The following SLC4A4 variants were observed in gnomAD, a reference collection of about 807,000 sequenced individuals.
SLC4A4 encodes the protein solute carrier family 4 member 4.
In SLC4A4, 27 loss-of-function variants were observed where a neutral mutation model predicts 111.5. The observed-to-expected ratio is 0.24, with a 90% CI of 0.18 to 0.33. The LOEUF is 0.33. SLC4A4 is among the 10% of genes least tolerant of loss of function. SLC4A4 has a pLI of 1.00. For missense variants in SLC4A4, 909 were observed against 1,315.5 expected (o/e 0.69, Z 4.78); for synonymous variants, 443 against 463.4 (o/e 0.96, Z 0.57).
At chr4:71,350,739 C>T (rs1729755657) in intron 5 of SLC4A4, among the ~76,000 whole-genome samples, 1 of 152,124 alleles carries the variant, frequency 6.6e-6, no homozygotes, top group South Asian at 2.1e-4. Flanking sequence ...AGCCTTTTGT[C>T]TACAGATATA....
intron 2 of SLC4A4, among the ~76,000 whole-genome samples, chr4:71,166,249 T>C (rs1205476388): frequency 6.6e-6 from 1 of 152,212 alleles, no homozygotes; most frequent in Non-Finnish European, 1.5e-5. Context: ...TTTTGATTGT[T>C]GTAGAGGCAA....
intron 12 of SLC4A4, among the ~76,000 whole-genome samples, chr4:71,463,791 G>A (rs113390233): frequency 0.013 from 1,919 of 152,196 alleles, 23 homozygotes; most frequent in South Asian, 0.02. Context: ...TGTAGAGATG[G>A]TGGATAGCAT....
intron 4 of SLC4A4, among the ~76,000 whole-genome samples, chr4:71,347,304 AC>A (rs1376542143): frequency 6.6e-6 from 1 of 152,094 alleles, no homozygotes; most frequent in Non-Finnish European, 1.5e-5. Context: ...TATTATTTGG[AC>A]AGTTGAGGAT....
intron 1 of SLC4A4, among the ~76,000 whole-genome samples, chr4:71,086,512 G>C (rs556438758): frequency 1.3e-5 from 2 of 152,092 alleles, no homozygotes; most frequent in African/African-American, 4.8e-5. Flanking sequence ...TCCAGTTTTT[G>C]CCCATTCAGT....
intron 20 of SLC4A4, among the ~76,000 whole-genome samples, chr4:71,548,952 A>G (rs1281581376): frequency 1.1e-4 from 17 of 151,960 alleles, no homozygotes; most frequent in Non-Finnish European, 1.9e-4. Context: ...AACAGTTAAA[A>G]TATGTAATTA....
intron 3 of SLC4A4, among the ~76,000 whole-genome samples, chr4:71,268,630 T>C (rs1722478232): frequency 6.6e-6 from 1 of 152,238 alleles, no homozygotes; most frequent in Non-Finnish European, 1.5e-5. Flanking sequence ...ACTTTTGAAG[T>C]CTGTGATCAG....
chr4:71,504,803 G>A (rs1731253216), intron 16 of SLC4A4, among the ~76,000 whole-genome samples: 1 of 151,858 alleles, frequency 6.6e-6, no homozygotes, highest in South Asian at 2.1e-4. Context: ...ATGGTGGTTT[G>A]CTGCACAGAT....
intron 16 of SLC4A4, among the ~76,000 whole-genome samples, chr4:71,506,910 T>A (rs1731470791): frequency 6.6e-6 from 1 of 152,122 alleles, no homozygotes; most frequent in Non-Finnish European, 1.5e-5. Flanking sequence ...GTGGAAATCC[T>A]ATGAGCCAGA....
At chr4:71,350,150 G>T in intron 5 of SLC4A4, 78 bp downstream of exon 5, 2 of 1,374,590 alleles carry the variant, frequency 1.5e-6, no homozygotes, top group Non-Finnish European at 1.0e-6. Flanking sequence ...CAGATGACTA[G>T]TACTGTAAGC....
chr4:71,417,436 G>A (rs959919864), intron 7 of SLC4A4, among the ~76,000 whole-genome samples: 4 of 152,122 alleles, frequency 2.6e-5, no homozygotes, highest in African/African-American at 9.7e-5. Context: ...AGATGAATGA[G>A]TATTTCAAGT....
At chr4:71,439,162 C>T (rs1724435231) in intron 7 of SLC4A4, among the ~76,000 whole-genome samples, 2 of 152,030 alleles carry the variant, frequency 1.3e-5, no homozygotes, top group Admixed American at 1.3e-4. Flanking sequence ...GACACAGTGG[C>T]TCACGCCTGT....
At chr4:71,165,540 T>C (rs1024283611) in intron 2 of SLC4A4, among the ~76,000 whole-genome samples, 8 of 151,912 alleles carry the variant, frequency 5.3e-5, no homozygotes, top group East Asian at 3.9e-4. Context: ...ACTTCACACA[T>C]TGGGGCCTGT....
At chr4:71,088,403 C>T (rs539300786) in intron 1 of SLC4A4, among the ~76,000 whole-genome samples, 1 of 152,070 alleles carries the variant, frequency 6.6e-6, no homozygotes, top group South Asian at 2.1e-4. Flanking sequence ...AGCCCATTTA[C>T]ATTTAAGGTT....
intron 16 of SLC4A4, among the ~76,000 whole-genome samples, chr4:71,509,692 G>A (rs889085677): frequency 2.0e-5 from 3 of 152,156 alleles, no homozygotes; most frequent in South Asian, 2.1e-4. Flanking sequence ...GGGGACCAGG[G>A]GTGCCACCAG....
intron 5 of SLC4A4, among the ~76,000 whole-genome samples, chr4:71,356,560 A>G (rs1397709952): frequency 2.6e-5 from 4 of 152,176 alleles, no homozygotes; most frequent in Non-Finnish European, 5.9e-5. Context: ...AGTACGTATA[A>G]CATCACAGAA....
intron 20 of SLC4A4, 133 bp downstream of exon 20, chr4:71,547,853 G>A (rs1250479073): frequency 1.5e-5 from 12 of 784,342 alleles, no homozygotes; most frequent in Non-Finnish European, 2.5e-5. Flanking sequence ...CAGGGGTCAA[G>A]TAGAAAGAGA....
At chr4:71,476,989 T>A (rs1400306916) in intron 14 of SLC4A4, among the ~76,000 whole-genome samples, 2 of 151,744 alleles carry the variant, frequency 1.3e-5, no homozygotes, top group Non-Finnish European at 2.9e-5. Flanking sequence ...GATAATTTAG[T>A]TCAAAAGCCA....
chr4:71,234,049 T>A (rs1719630652), intron 1 of SLC4A4, among the ~76,000 whole-genome samples: 1 of 152,204 alleles, frequency 6.6e-6, no homozygotes, highest in Non-Finnish European at 1.5e-5. Context: ...CCTTAGAGCC[T>A]TTGTACTTGC....
chr4:71,158,936 G>A (rs1000996516), intron 2 of SLC4A4, among the ~76,000 whole-genome samples: 1 of 152,020 alleles, frequency 6.6e-6, no homozygotes, highest in Non-Finnish European at 1.5e-5. Flanking sequence ...GACACTTAAG[G>A]GTCCAGTCTT....
Sources: gnomAD v4.1 joint callset for allele counts (sites outside exome capture counted in the v4.1 genomes callset) on GRCh38, gnomAD v4.1.1 for gene constraint, MANE v1.5 for transcripts, NCBI Gene and HGNC (gene_info 2026-07-23, HGNC 2026-07-21) for gene names.